The following EML4 variants were observed in gnomAD, a reference collection of about 807,000 sequenced individuals.
EML4 encodes the protein EMAP like 4.
In EML4, 72 loss-of-function variants were observed where a neutral mutation model predicts 129.0. That is an observed-to-expected ratio of 0.56 (90% CI 0.46 to 0.68). EML4 has a LOEUF of 0.68. Ranked by LOEUF, EML4 falls within the 30% of genes least tolerant of loss-of-function variation. The pLI is 0.00. For synonymous variants in EML4, 532 were observed against 405.0 expected (o/e 1.31, Z -3.77); for missense variants, 1,363 against 1,190.6 (o/e 1.14, Z -2.13).
At chr2:42,194,322 C>T (rs1195798556) in intron 1 of EML4, among the ~76,000 whole-genome samples, 4 of 141,084 alleles carry the variant, frequency 2.8e-5, no homozygotes, top group Admixed American at 2.1e-4. Flanking sequence ...TAATCCAGAT[C>T]TGTATTTTTC....
At chr2:42,187,982 G>A (rs1368073504) in intron 1 of EML4, among the ~76,000 whole-genome samples, 1 of 152,056 alleles carries the variant, frequency 6.6e-6, no homozygotes, top group Admixed American at 6.6e-5. Context: ...TTTTTAGGTC[G>A]ATGATCTCTT....
chr2:42,246,218 A>C (rs149255353), intron 2 of EML4, among the ~76,000 whole-genome samples: 1 of 152,200 alleles, frequency 6.6e-6, no homozygotes. Flanking sequence ...AGGTTGAGAC[A>C]AACAGTCGTC....
At chr2:42,189,509 GTTCAAGGTGGCAATGAGCTGTGATCT>G (rs1224273503) in intron 1 of EML4, among the ~76,000 whole-genome samples, 4 of 152,242 alleles carry the variant, frequency 2.6e-5, no homozygotes, top group African/African-American at 9.6e-5. Context: ...GAGACCAGGA[GTTCAAGGTGGCAATGAGCTGTGATCT>G]TGCTACTGCA....
At chr2:42,269,218 C>T (rs1036352727) in intron 6 of EML4, among the ~76,000 whole-genome samples, 5 of 152,164 alleles carry the variant, frequency 3.3e-5, no homozygotes, top group South Asian at 2.1e-4. Flanking sequence ...TCTAAAATCC[C>T]TCAGTAATTT....
chr2:42,317,232 C>T (rs573906127), intron 18 of EML4, among the ~76,000 whole-genome samples, 195 bp from the exon 19 acceptor site: 28 of 152,322 alleles, frequency 1.8e-4, no homozygotes, highest in African/African-American at 6.5e-4. Flanking sequence ...GGCCTGTAAG[C>T]ATCTCCAAGA....
chr2:42,213,139 T>TTTAATTGAAGTCTACCTTAACGTA (rs1672977134), intron 1 of EML4, among the ~76,000 whole-genome samples: 1 of 152,190 alleles, frequency 6.6e-6, no homozygotes, highest in African/African-American at 2.4e-5. Flanking sequence ...AATGTAAACT[T>TTTAATTGAAGTCTACCTTAACGTA]TTAATTGAAG....
intron 1 of EML4, among the ~76,000 whole-genome samples, chr2:42,183,747 A>T (rs958188400): frequency 6.6e-6 from 1 of 151,916 alleles, no homozygotes; most frequent in African/African-American, 2.4e-5. Flanking sequence ...TATTTTTAGA[A>T]TTTTTTTCTT....
chr2:42,309,898 C>A (rs1668837732), intron 17 of EML4, among the ~76,000 whole-genome samples: 1 of 152,068 alleles, frequency 6.6e-6, no homozygotes, highest in East Asian at 1.9e-4. Flanking sequence ...TTTATCTGTT[C>A]TTTCTCTTGT....
chr2:42,270,301 A>G (rs896829182), intron 6 of EML4, among the ~76,000 whole-genome samples: 1 of 152,158 alleles, frequency 6.6e-6, no homozygotes, highest in East Asian at 1.9e-4. Context: ...GCTCATGCCC[A>G]TAATCCCAGC....
At chr2:42,292,916 AC>A (rs1394872212) in intron 11 of EML4, among the ~76,000 whole-genome samples, 3 of 152,058 alleles carry the variant, frequency 2.0e-5, no homozygotes, top group Non-Finnish European at 1.5e-5. Context: ...TAGTTTTACA[AC>A]CCTTTGATTA....
intron 11 of EML4, among the ~76,000 whole-genome samples, chr2:42,290,451 G>C (rs1297652175): frequency 6.6e-6 from 1 of 152,072 alleles, no homozygotes; most frequent in African/African-American, 2.4e-5. Flanking sequence ...AAGGGCCTGG[G>C]TGCTGTGGCT....
rs149918607 is a variant in EML4 at position 42,228,959 on chromosome 2, A to G, written c.26-16546A>G. Among the ~76,000 whole-genome samples, 8 of 152,284 alleles carry G rather than the reference A, an allele frequency of 5.3e-5. No individual in the cohort carries two copies. The East Asian group carries it at 5.8e-4, about 11-fold the overall frequency. ...TCTCCTGCTAATTCCAATTTAGTCCATTTTTAATTTTCTGATGATTAAATG... is the reference window on the plus strand; with the variant it reads ...TCTCCTGCTAATTCCAATTTAGTCCGTTTTTAATTTTCTGATGATTAAATG... On this transcript the variant is annotated intron_variant, in intron 1 of 22. Coordinates refer to ENST00000318522, the MANE Select transcript of EML4 (RefSeq NM_019063.5).
intron 1 of EML4, among the ~76,000 whole-genome samples, chr2:42,233,309 CTTTTT>C (rs1045073425): frequency 7.3e-6 from 1 of 137,118 alleles, no homozygotes. Flanking sequence ...AGGTTTCTTT[CTTTTT>C]TTTTTTTTTT....
At chr2:42,261,591 AT>A in intron 4 of EML4, 1 of 225,404 alleles carries the variant, frequency 4.4e-6, no homozygotes, top group South Asian at 1.6e-4. Context: ...TCTTAACCAC[AT>A]TTTTGAATAC....
Position 42,331,913 on chromosome 2 carries a change from C to G in EML4, c.*1706C>G, listed in dbSNP as rs1265836056. On this transcript the variant is annotated 3_prime_UTR_variant, in exon 23 of 23. Coordinates refer to ENST00000318522, the MANE Select transcript of EML4 (RefSeq NM_019063.5). Reference sequence around the variant, plus strand: ...TCTATGTGTATAGGTATCTGTATATCTTTCCTTTTGTTTACAACTGTTAAA... The same window carrying G: ...TCTATGTGTATAGGTATCTGTATATGTTTCCTTTTGTTTACAACTGTTAAA... The G allele has an allele frequency of 6.3e-6, 1 of 159,826 alleles. No individual in the cohort carries two copies. The highest frequency in any genetic ancestry group is 9.1e-5 in the Admixed American group (1 of 10,992). The allele number at this position is 159,826 out of a possible 1,614,324, so 9.9% of individuals were successfully genotyped here. A position where few individuals can be genotyped will look rare whatever the true frequency, so the allele number is the denominator to read the frequency against.
At chr2:42,212,212 T>A (rs1048574120) in intron 1 of EML4, among the ~76,000 whole-genome samples, 8 of 152,208 alleles carry the variant, frequency 5.3e-5, no homozygotes, top group Non-Finnish European at 1.5e-5. Flanking sequence ...CTCAGCTGTT[T>A]TGGAGACTTT....
intron 1 of EML4, among the ~76,000 whole-genome samples, chr2:42,171,897 G>A (rs1017415391): frequency 6.6e-6 from 1 of 152,128 alleles, no homozygotes; most frequent in African/African-American, 2.4e-5. Flanking sequence ...TATTTTACTG[G>A]TAGTCTTTAA....
chr2:42,330,060 A>T lies in EML4; in HGVS notation c.2799A>T (p.Pro933=). The change falls in exon 23 of 23, where the codon CCA becomes CCT. Residue 933 remains proline (P), a synonymous_variant. Coordinates refer to ENST00000318522, the MANE Select transcript of EML4 (RefSeq NM_019063.5). Reference sequence around the variant, plus strand: ...ACAGCCTGGAACAAACTGTGGAGCCAAGTGAAGACCACAGCGAGGAGGAGA... The same window carrying T: ...ACAGCCTGGAACAAACTGTGGAGCCTAGTGAAGACCACAGCGAGGAGGAGA... ...LENSLEQTVE[P]SEDHSEEESE... is the part of the protein sequence containing the mutation. The T allele has an allele frequency of 6.2e-7, 1 of 1,613,422 alleles. No individual in the cohort carries two copies. Among genetic ancestry groups the T allele is most frequent in the Non-Finnish European group, 8.5e-7 (1 of 1,179,942 alleles).
At chr2:42,202,743 C>T (rs997583539) in intron 1 of EML4, among the ~76,000 whole-genome samples, 40 of 152,310 alleles carry the variant, frequency 2.6e-4, no homozygotes, top group Middle Eastern at 3.4e-3. Flanking sequence ...GAGGGTAGGT[C>T]TGCCTTTCCC....
Sources: gnomAD v4.1 joint callset for allele counts (sites outside exome capture counted in the v4.1 genomes callset) on GRCh38, gnomAD v4.1.1 for gene constraint, MANE v1.5 for transcripts, NCBI Gene and HGNC (gene_info 2026-07-23, HGNC 2026-07-21) for gene names.